Variants in ITGAX observed in about 807,000 individuals in gnomAD.
The protein encoded by ITGAX is integrin alpha-X.
ITGAX carries 99 observed loss-of-function variants against 140.2 expected under a neutral mutation model. The observed-to-expected ratio is 0.71, with a 90% CI of 0.60 to 0.83. The LOEUF (loss-of-function observed/expected upper bound fraction) is 0.83. Ranked by LOEUF, ITGAX falls within the 40% of genes least tolerant of loss-of-function variation. The probability of loss-of-function intolerance (pLI) is 0.00; values close to 1 mark genes in which losing one functional copy is unlikely to be tolerated. For synonymous variants in ITGAX, 631 were observed against 600.4 expected (o/e 1.05, Z -0.75); for missense variants, 1,444 against 1,482.0 (o/e 0.97, Z 0.42).
intron 14 of ITGAX, among the ~76,000 whole-genome samples, chr16:31,367,939 G>T (rs2080908083): frequency 6.6e-6 from 1 of 152,096 alleles, no homozygotes; most frequent in African/African-American, 2.4e-5. Context: ...CATCAGAGGG[G>T]GTCAAAATAT....
intron 11 of ITGAX, 107 bp from the exon 12 acceptor site, chr16:31,362,504 G>A: frequency 7.2e-7 from 1 of 1,391,536 alleles, no homozygotes; most frequent in Non-Finnish European, 9.6e-7. Flanking sequence ...CCAGGGTGGG[G>A]TCCAGGGTTC....
At position 31,360,376 on chromosome 16, in the gene ITGAX, T is replaced by C. The variant is rs750912200; in HGVS notation, c.774T>C (p.Thr258=). 15 of 1,613,938 alleles carry C rather than the reference T, an allele frequency of 9.3e-6. No individual in the cohort carries two copies. In the South Asian group the frequency reaches 1.5e-4, roughly 17 times the overall value. ...CCGCCAAAATTCTCATTGTCATCAC[T>C]GATGGGAAGAAAGAAGGCGACAGCC... ...RDAAKILIVI[T]DGKKEGDSLD... The change falls in exon 8 of 30, where the codon ACT becomes ACC. Residue 258 remains threonine, a synonymous_variant. Coordinates refer to ENST00000268296, the MANE Select transcript of ITGAX (RefSeq NM_000887.5).
chr16:31,361,061 A>C lies in ITGAX; in HGVS notation c.862-2A>C. 1 of 1,611,956 alleles carries C rather than the reference A, an allele frequency of 6.2e-7. No homozygotes were observed. Among genetic ancestry groups the C allele is most frequent in the Non-Finnish European group, 8.5e-7 (1 of 1,179,502 alleles). ...TACTGAGTTGATCTTTTCTGGGGAC[A>C]GGTTGGATTAGCTTTTCAAAACAGA... On this transcript the variant is annotated splice_acceptor_variant, in intron 8 of 29. Transcript: ENST00000268296. LOFTEE classifies it high-confidence loss of function.
chr16:31,378,470 AT>A (rs1269028785), intron 23 of ITGAX, among the ~76,000 whole-genome samples: 434 of 144,324 alleles, frequency 3.0e-3, no homozygotes, highest in Non-Finnish European at 3.1e-3. Context: ...TCTTTGCCTC[AT>A]TTTTTTTTTT....
At chr16:31,359,677 A>G (rs761088077) in intron 5 of ITGAX, 23 bp from the exon 6 acceptor site, 76 of 1,612,180 alleles carry the variant, frequency 4.7e-5, no homozygotes, top group Non-Finnish European at 6.3e-5. Flanking sequence ...CACTTGGAGG[A>G]CCGGTGCCAC....
chr16:31,357,029 A>G lies in ITGAX; in HGVS notation c.248-2A>G. 1 of 1,607,086 alleles carries G rather than the reference A, an allele frequency of 6.2e-7. No individual in the cohort carries two copies. The highest frequency in any genetic ancestry group is 8.5e-7 in the Non-Finnish European group (1 of 1,178,636). ...TGACCATGCACATATCTGTCCCCAC[A>G]GTGCCCCCGGAGGCCGTGAACATGT... On this transcript the variant is annotated splice_acceptor_variant, in intron 3 of 29. Coordinates refer to ENST00000268296, the MANE Select transcript of ITGAX (RefSeq NM_000887.5). LOFTEE classifies it high-confidence loss of function.
Position 31,357,339 on chromosome 16 carries a change from C to G in ITGAX, c.405C>G (p.Thr135=), listed in dbSNP as rs762618934. ...LCFLLGPTQL[T]QRLPVSRQEC... is the part of the protein sequence containing the mutation. ...TCCTCCTGGGCCCCACCCAGCTCACCCAGAGGCTCCCGGTGTCCAGGCAGG... is the reference window on the plus strand; with the variant it reads ...TCCTCCTGGGCCCCACCCAGCTCACGCAGAGGCTCCCGGTGTCCAGGCAGG... Residue 135 remains threonine (T), a synonymous_variant, in exon 5 of 30, where the codon ACC becomes ACG. Transcript: ENST00000268296. 6.2e-6 allele frequency: 10 copies of G among 1,605,298 alleles called. No individual in the cohort carries two copies. The Admixed American group carries it at 1.5e-4, about 24-fold the overall frequency.
chr16:31,356,770 G>C, intron 3 of ITGAX, 42 bp downstream of exon 3: 2 of 1,430,258 alleles, frequency 1.4e-6, no homozygotes, highest in Non-Finnish European at 9.6e-7. Context: ...CGGGCTCCCA[G>C]GCTTCCCTGC....
chr16:31,378,266 G>A (rs1298156152), intron 23 of ITGAX, among the ~76,000 whole-genome samples: 1 of 152,242 alleles, frequency 6.6e-6, no homozygotes, highest in Non-Finnish European at 1.5e-5. Flanking sequence ...AACAGCGTCA[G>A]CCTGGGCCAC....
Position 31,380,504 on chromosome 16 carries a change from T to A in ITGAX, c.3175-19T>A. 3 of 1,614,172 alleles carry A rather than the reference T, an allele frequency of 1.9e-6. No individual in the cohort carries two copies. The highest frequency in any genetic ancestry group is 2.5e-6 in the Non-Finnish European group (3 of 1,180,012). Reference sequence around the variant, plus strand: ...TCCCCCAGAGCCAGTTCAACAGGTTTCCCCCAACCCCTTTGCAGATATTGC... The same window carrying A: ...TCCCCCAGAGCCAGTTCAACAGGTTACCCCCAACCCCTTTGCAGATATTGC... On this transcript the variant is annotated intron_variant, in intron 27 of 29. Coordinates refer to ENST00000268296, the MANE Select transcript of ITGAX (RefSeq NM_000887.5).
chr16:31,359,921 T>A lies in ITGAX; in HGVS notation c.563T>A (p.Phe188Tyr). The change falls in exon 7 of 30, where the codon TTT becomes TAT. Residue 188 changes from phenylalanine (F) to tyrosine (Y), a missense_variant and splice_region_variant. Phe to Tyr is a conservative substitution (Grantham distance 22). Transcript: ENST00000268296. ...ISQFQRPSTQ[F>Y]SLMQFSNKFQ... Reference sequence around the variant, plus strand: ...CCCAGCCCTGTGTGCTTCTCCCAGTTTTCCCTGATGCAGTTCTCCAACAAA... The same window carrying A: ...CCCAGCCCTGTGTGCTTCTCCCAGTATTCCCTGATGCAGTTCTCCAACAAA... 6.2e-7 allele frequency: 1 copy of A among 1,614,070 alleles called. No individual in the cohort carries two copies. Among genetic ancestry groups the A allele is most frequent in the Non-Finnish European group, 8.5e-7 (1 of 1,180,022 alleles).
Position 31,380,074 on chromosome 16 carries a change from G to A in ITGAX, c.3060+9G>A. On this transcript the variant is annotated intron_variant, in intron 26 of 29. Coordinates refer to ENST00000268296, the MANE Select transcript of ITGAX (RefSeq NM_000887.5). ...AGAAGAATCCCGTGCTGGTGAGGAG[G>A]GCTCTGGGCTGGCCCTCACTGTAGG... 6.2e-7 allele frequency: 1 copy of A among 1,613,396 alleles called. No individual in the cohort carries two copies.
In ITGAX at chr16:31,356,695, A is replaced by T. The variant is rs1303430315; in HGVS notation, c.214A>T (p.Ser72Cys). The change falls in exon 3 of 30, where the codon AGC (serine) becomes TGC (cysteine). Residue 72 changes from serine (S) to cysteine (C), a missense_variant. Ser to Cys is a moderately radical substitution (Grantham distance 112). Transcript: ENST00000268296. Reference protein sequence around the residue: ...QTGGLYQCGYSTGACEPIGLQ... With the variant: ...QTGGLYQCGYCTGACEPIGLQ... ...GGGTGGCCTCTACCAGTGTGGCTAC[A>T]GCACTGGTGCCTGTGAGCCCATCGG... The T allele has an allele frequency of 6.3e-7, 1 of 1,597,178 alleles. No individual in the cohort carries two copies. Among genetic ancestry groups the T allele is most frequent in the Non-Finnish European group, 8.5e-7 (1 of 1,173,138 alleles).
chr16:31,376,912 C>T lies in ITGAX; in HGVS notation c.2622C>T (p.Ala874=). 6.2e-7 allele frequency: 1 copy of T among 1,614,208 alleles called. No individual in the cohort carries two copies. Among genetic ancestry groups the T allele is most frequent in the Non-Finnish European group, 8.5e-7 (1 of 1,180,034 alleles). ...RINHLIFRGG[A]QITFLATFDV... is the part of the protein sequence containing the mutation. ...ACCACCTCATCTTCCGTGGCGGCGC[C>T]CAGGTCAGCCTGGCTTCTGTCCCCT... The change falls in exon 21 of 30, where the codon GCC becomes GCT. Residue 874 remains alanine (A), a synonymous_variant. Coordinates refer to ENST00000268296, the MANE Select transcript of ITGAX (RefSeq NM_000887.5).
chr16:31,369,248 A>C (rs1371623729), intron 14 of ITGAX, among the ~76,000 whole-genome samples: 4 of 133,844 alleles, frequency 3.0e-5, no homozygotes, highest in South Asian at 2.6e-4. Flanking sequence ...TGACCCCCCC[A>C]CCTCCCTCCT....
chr16:31,379,988 T>A lies in ITGAX; in HGVS notation c.2983T>A (p.Ser995Thr), dbSNP rs769848995. ...DVEVSHPQNPSLRCSSEKIAP... is the reference protein window; with the variant it reads ...DVEVSHPQNPTLRCSSEKIAP... ...TCTCTGCATTTTCCCCCAGAACCCA[T>A]CCCTTCGGTGCTCCTCAGAGAAAAT... The change falls in exon 26 of 30, where the codon TCC becomes ACC. Residue 995 changes from serine to threonine, a missense_variant. Physicochemically the swap from Ser to Thr is moderately conservative, Grantham distance 58. Transcript: ENST00000268296. 6.2e-7 allele frequency: 1 copy of A among 1,614,070 alleles called. No individual in the cohort carries two copies. The highest frequency in any genetic ancestry group is 8.5e-7 in the Non-Finnish European group (1 of 1,179,960).
chr16:31,382,228 C>CTTTT lies in ITGAX; in HGVS notation c.*333_*336dup, dbSNP rs61575806. 195 of 903,444 alleles carry CTTTT rather than the reference C, an allele frequency of 2.2e-4. 1 individual carries two copies. The highest frequency in any genetic ancestry group is 1.1e-3 in the South Asian group (48 of 45,496). The allele number at this position is 903,444 out of a possible 1,614,324, so 56.0% of individuals were successfully genotyped here. A position where few individuals can be genotyped will look rare whatever the true frequency, so the allele number is the denominator to read the frequency against. ...GGCACGAATGATCTTTCTTTCCTTT[C>CTTTT]TTTTTTTTTTTTTTTCTTTTCTTTT... On this transcript the variant is annotated 3_prime_UTR_variant, in exon 30 of 30. Transcript: ENST00000268296.
chr16:31,381,563 A>T (rs2081068960), intron 29 of ITGAX, among the ~76,000 whole-genome samples: 1 of 152,100 alleles, frequency 6.6e-6, no homozygotes, highest in Non-Finnish European at 1.5e-5. Flanking sequence ...GGCATGGTGG[A>T]GGTTGCAGTG....
At chr16:31,366,598 T>C (rs960381734) in intron 14 of ITGAX, among the ~76,000 whole-genome samples, 1 of 152,220 alleles carries the variant, frequency 6.6e-6, no homozygotes, top group Non-Finnish European at 1.5e-5. Flanking sequence ...TCACTGAAAC[T>C]TCCCCCTCTG....
Sources: gnomAD v4.1 joint callset for allele counts (sites outside exome capture counted in the v4.1 genomes callset) on GRCh38, gnomAD v4.1.1 for gene constraint, MANE v1.5 for transcripts, NCBI Gene and HGNC (gene_info 2026-07-23, HGNC 2026-07-21) for gene names.